Variants in MACROD1 observed in about 807,000 individuals in gnomAD.
The protein encoded by MACROD1 is ADP-ribose glycohydrolase MACROD1.
MACROD1 carries 31 observed loss-of-function variants against 41.4 expected under a neutral mutation model. The observed-to-expected ratio is 0.75, with a 90% CI of 0.56 to 1.01. MACROD1 has a LOEUF of 1.01. MACROD1 is among the 50% of genes least tolerant of loss of function. The pLI is 0.00. For missense variants in MACROD1, 473 were observed against 460.0 expected, an observed-to-expected ratio of 1.03 and a Z score of -0.26; for synonymous variants, 252 against 203.4, an observed-to-expected ratio of 1.24 and a Z score of -2.03.
intron 3 of MACROD1, among the ~76,000 whole-genome samples, chr11:64,110,530 G>A (rs1215980128): frequency 6.6e-6 from 1 of 152,046 alleles, no homozygotes; most frequent in Admixed American, 6.6e-5. Context: ...TGTCCTGGAG[G>A]TTGGCAGGGG....
chr11:64,023,318 C>T (rs1402527076), intron 3 of MACROD1, among the ~76,000 whole-genome samples: 1 of 152,152 alleles, frequency 6.6e-6, no homozygotes, highest in African/African-American at 2.4e-5. Context: ...GGTCCTGAAA[C>T]CCCCAGCTGT....
chr11:64,072,800 C>T (rs1944133422), intron 3 of MACROD1, among the ~76,000 whole-genome samples: 1 of 152,192 alleles, frequency 6.6e-6, no homozygotes, highest in Non-Finnish European at 1.5e-5. Context: ...TGTTGCAGCT[C>T]CACCCTGCAT....
At chr11:64,039,759 G>A (rs1199325922) in intron 3 of MACROD1, among the ~76,000 whole-genome samples, 5 of 152,340 alleles carry the variant, frequency 3.3e-5, no homozygotes, top group African/African-American at 9.6e-5. Context: ...CGGGGCCAGC[G>A]GCTCTGCAGA....
At chr11:63,999,303 C>T (rs991860727) in intron 8 of MACROD1, 28 bp downstream of exon 8, 2 of 1,549,220 alleles carry the variant, frequency 1.3e-6, no homozygotes, top group Middle Eastern at 2.2e-4. Flanking sequence ...GGATGCGGAC[C>T]CCACCCTCGC....
chr11:64,098,189 G>A (rs189045345), intron 3 of MACROD1, among the ~76,000 whole-genome samples: 12 of 152,228 alleles, frequency 7.9e-5, no homozygotes, highest in Admixed American at 1.3e-4. Flanking sequence ...TCCATGCCTC[G>A]GCACCCTCAC....
chr11:64,051,775 G>A (rs1355420314), intron 3 of MACROD1, among the ~76,000 whole-genome samples: 1 of 152,146 alleles, frequency 6.6e-6, no homozygotes. Context: ...GACAACTTCT[G>A]AGGGTGCCCA....
chr11:64,149,505 C>G (rs945910989), intron 3 of MACROD1, among the ~76,000 whole-genome samples: 9 of 152,210 alleles, frequency 5.9e-5, no homozygotes, highest in African/African-American at 2.2e-4. Flanking sequence ...GTGTTAATCA[C>G]GCCCACAGCC....
Position 64,120,007 on chromosome 11 carries a change from G to A in MACROD1, c.517+31232C>T, listed in dbSNP as rs1024913764. ...GTCAAAGAGGAGATGCTGGTCCGAG[G>A]GCAGGAGGATGAGAGGGCTGGGAGC... On this transcript the variant is annotated intron_variant, in intron 3 of 10. Transcript: ENST00000255681. This position sits in a 1 kb window ranked among gnomAD's most constrained non-coding sequence, Gnocchi z 4.5. Among the ~76,000 whole-genome samples the A allele has an allele frequency of 6.6e-6, 1 of 152,212 alleles. No individual in the cohort carries two copies. The highest frequency in any genetic ancestry group is 6.5e-5 in the Admixed American group (1 of 15,286).
chr11:64,110,695 C>A (rs1422099265), intron 3 of MACROD1, among the ~76,000 whole-genome samples: 1 of 152,170 alleles, frequency 6.6e-6, no homozygotes, highest in African/African-American at 2.4e-5. Context: ...AGTCATGGAG[C>A]TGGCAGGTCG....
At chr11:64,028,806 T>C (rs747675551) in intron 3 of MACROD1, among the ~76,000 whole-genome samples, 6 of 152,050 alleles carry the variant, frequency 3.9e-5, no homozygotes, top group Non-Finnish European at 7.4e-5. Flanking sequence ...TGGCTTTGAG[T>C]GACTACATCC....
chr11:64,073,862 C>A (rs951001442), intron 3 of MACROD1, among the ~76,000 whole-genome samples: 2 of 152,102 alleles, frequency 1.3e-5, no homozygotes, highest in African/African-American at 4.8e-5. Flanking sequence ...GCCAGAGATG[C>A]AGTTGGGGAC....
rs1302566401 is a variant in MACROD1, at chr11:64,090,813, GCAGAAGCAGAGCC to G, written c.517+60413_517+60425del. Among the ~76,000 whole-genome samples, 1 of 151,998 alleles carries G rather than the reference GCAGAAGCAGAGCC, an allele frequency of 6.6e-6. No individual in the cohort carries two copies. The highest frequency in any genetic ancestry group is 2.4e-5 in the African/African-American group (1 of 41,400). ...ACTTGGGGTTTGTCTCTGGGGCTCT[GCAGAAGCAGAGCC>G]CGAGTCGGGTCCAGCCCTGCACTCC... On this transcript the variant is annotated intron_variant, in intron 3 of 10. Transcript: ENST00000255681. The surrounding 1 kb of genome is among the most constrained non-coding windows in gnomAD (Gnocchi z 4.7).
intron 3 of MACROD1, among the ~76,000 whole-genome samples, chr11:64,080,166 C>G (rs1351157357): frequency 6.6e-6 from 1 of 152,200 alleles, no homozygotes; most frequent in African/African-American, 2.4e-5. Flanking sequence ...GCGTGCGCCA[C>G]CATGCCTGGC....
intron 3 of MACROD1, among the ~76,000 whole-genome samples, chr11:64,099,806 C>T (rs529054215): frequency 2.2e-4 from 31 of 143,340 alleles, no homozygotes; most frequent in Admixed American, 4.9e-4. Context: ...GAAGGATGGA[C>T]GGATGGAGAG....
At chr11:64,050,162 C>T (rs1264499773) in intron 3 of MACROD1, among the ~76,000 whole-genome samples, 1 of 152,128 alleles carries the variant, frequency 6.6e-6, no homozygotes, top group African/African-American at 2.4e-5. Flanking sequence ...CACCCTGCCA[C>T]TCCCACCTCT....
At chr11:64,109,507 G>T (rs1312665125) in intron 3 of MACROD1, among the ~76,000 whole-genome samples, 1 of 152,192 alleles carries the variant, frequency 6.6e-6, no homozygotes, top group East Asian at 1.9e-4. Context: ...AGAGGGGGTG[G>T]AAAGGGGAGG....
chr11:64,065,412 C>T (rs924320713), intron 3 of MACROD1, among the ~76,000 whole-genome samples: 6 of 152,168 alleles, frequency 3.9e-5, no homozygotes, highest in Non-Finnish European at 8.8e-5. Flanking sequence ...TCACCCACTA[C>T]CTCCGCTCCA....
rs1266306392 is a variant in MACROD1, at chr11:64,116,848, C to T, written c.517+34391G>A. ...CGGAACCACCTGAGCAGCATCCCCTCGGGGCTGCCGCACACGCTGGAGGAG... is the reference window on the plus strand; with the variant it reads ...CGGAACCACCTGAGCAGCATCCCCTTGGGGCTGCCGCACACGCTGGAGGAG... On this transcript the variant is annotated intron_variant, in intron 3 of 10. Coordinates refer to ENST00000255681, the MANE Select transcript of MACROD1 (RefSeq NM_014067.4). The T allele has an allele frequency of 3.7e-6, 6 of 1,612,646 alleles. No individual in the cohort carries two copies. In the South Asian group the frequency reaches 4.4e-5, roughly 12 times the overall value.
intron 1 of MACROD1, among the ~76,000 whole-genome samples, chr11:64,162,621 T>G (rs1945773074): frequency 6.6e-6 from 1 of 151,160 alleles, no homozygotes; most frequent in African/African-American, 2.4e-5. Flanking sequence ...GAGACCATCC[T>G]GGCTAACACA....
Sources: allele counts gnomAD v4.1 joint callset (sites outside exome capture counted in the v4.1 genomes callset), GRCh38; gene constraint gnomAD v4.1.1; non-coding constraint Gnocchi (gnomAD v3.1); transcripts MANE v1.5; gene names NCBI Gene and HGNC (gene_info 2026-07-23, HGNC 2026-07-21).